MEI1: variants seen among roughly 807,000 people sequenced by gnomAD.
The protein encoded by MEI1 is meiosis inhibitor protein 1.
MEI1 carries 103 observed loss-of-function variants against 146.2 expected under a neutral mutation model. The observed-to-expected ratio is 0.70, with a 90% CI of 0.60 to 0.83. MEI1 has a LOEUF of 0.83. Ranked by LOEUF, MEI1 falls within the 40% of genes least tolerant of loss-of-function variation. The probability of loss-of-function intolerance (pLI) is 0.00; values close to 1 mark genes in which losing one functional copy is unlikely to be tolerated. For missense variants in MEI1, 1,529 were observed against 1,533.0 expected, an observed-to-expected ratio of 1.00 and a Z score of 0.04; for synonymous variants, 652 against 628.2, an observed-to-expected ratio of 1.04 and a Z score of -0.57.
At chr22:41,705,455 C>T (rs1188555421) in intron 2 of MEI1, 49 bp from the exon 3 acceptor site, 3 of 1,538,820 alleles carry the variant, frequency 1.9e-6, no homozygotes, top group Admixed American at 1.7e-5. Flanking sequence ...CAGATGTGTG[C>T]CACCGCGCCC....
chr22:41,746,179 AAAAAT>A (rs1373536073), intron 14 of MEI1, 153 bp downstream of exon 14: 2 of 593,054 alleles, frequency 3.4e-6, no homozygotes, highest in Non-Finnish European at 5.2e-6. Flanking sequence ...CCTTTGTTCT[AAAAAT>A]AAAATGTAGT....
Position 41,784,628 on chromosome 22 carries a change from C to G in MEI1, c.3190C>G (p.Arg1064Gly), listed in dbSNP as rs778265804. ...TCCAGCTGCCATCTTATGCTTCCTG[C>G]GGACAGCCCTGCGACAAAGCTTTTC... Reference protein sequence around the residue: ...LLSAAILCFLRTALRQSFSSA... With the variant: ...LLSAAILCFLGTALRQSFSSA... Residue 1064 changes from arginine to glycine, a missense_variant, in exon 26 of 31, where the codon CGG (arginine) becomes GGG (glycine). Arg to Gly is a moderately radical substitution (Grantham distance 125). Around this residue, in one of 3 missense-constraint regions of MEI1, gnomAD observed 313 missense variants for 337.3 expected, o/e 0.93. Coordinates refer to ENST00000401548, the MANE Select transcript of MEI1 (RefSeq NM_152513.4). 6.2e-7 allele frequency: 1 copy of G among 1,612,644 alleles called. No individual in the cohort carries two copies. The highest frequency in any genetic ancestry group is 8.5e-7 in the Non-Finnish European group (1 of 1,179,762).
chr22:41,721,522 G>A (rs910505525), intron 6 of MEI1, among the ~76,000 whole-genome samples: 1 of 151,156 alleles, frequency 6.6e-6, no homozygotes, highest in African/African-American at 2.4e-5. Flanking sequence ...GGGATTACAG[G>A]TATGAGTCAC....
rs1199261486 is a variant in MEI1 at position 41,703,348 on chromosome 22, C to T, written c.192C>T (p.His64=). The change falls in exon 2 of 31, where the codon CAC becomes CAT. Residue 64 remains histidine (H), a synonymous_variant. Coordinates refer to ENST00000401548, the MANE Select transcript of MEI1 (RefSeq NM_152513.4). The stretch of plus-strand genomic sequence containing the variant: ...GCTTCAAGTTAGTGCGCAAGAAGCA[C>T]ATGTTGTCCTGCTTCCAAGATGCCC... ...DPGVSLVRKK[H]MLSCFQDALV... The T allele has an allele frequency of 2.5e-6, 4 of 1,612,704 alleles. No homozygotes were observed. Among genetic ancestry groups the T allele is most frequent in the Non-Finnish European group, 3.4e-6 (4 of 1,179,370 alleles).
rs927281698 is a variant in MEI1, at chr22:41,794,803, G to A, written c.3534+326G>A. On this transcript the variant is annotated intron_variant, in intron 28 of 30. Coordinates refer to ENST00000401548, the MANE Select transcript of MEI1 (RefSeq NM_152513.4). ...TAGGGTCCCTCAGTCTAAAGAGGACGACAGACAAGTAAACTAGTAATGTAA... is the reference window on the plus strand; with the variant it reads ...TAGGGTCCCTCAGTCTAAAGAGGACAACAGACAAGTAAACTAGTAATGTAA... Among the ~76,000 whole-genome samples the A allele has an allele frequency of 3.9e-5, 6 of 152,144 alleles. No individual in the cohort carries two copies. The East Asian group carries it at 1.2e-3, about 29-fold the overall frequency.
At chr22:41,711,616 C>G (rs993342243) in intron 3 of MEI1, among the ~76,000 whole-genome samples, 2 of 152,210 alleles carry the variant, frequency 1.3e-5, no homozygotes, top group Non-Finnish European at 2.9e-5. Flanking sequence ...CCTCATGGTT[C>G]CTGTTTGCTT....
At position 41,729,745 on chromosome 22, in the gene MEI1, G is replaced by T; in HGVS notation, c.945G>T (p.Lys315Asn). The change falls in exon 8 of 31, where the codon AAG becomes AAT. Residue 315 changes from lysine to asparagine, a missense_variant. By Grantham distance (94) the Lys-to-Asn change is moderately conservative. Transcript: ENST00000401548. ...ITAVLVHSPA[K>N]HASAFIHADI... ...CGGTGCTTGTCCACTCCCCAGCAAA[G>T]CATGCGTCAGCCTTCATCCACGCTG... The T allele has an allele frequency of 6.2e-7, 1 of 1,610,816 alleles. No individual in the cohort carries two copies. Among genetic ancestry groups the T allele is most frequent in the South Asian group, 1.1e-5 (1 of 90,144 alleles).
intron 30 of MEI1, among the ~76,000 whole-genome samples, chr22:41,798,112 GC>G (rs2076425613): frequency 1.5e-5 from 2 of 135,982 alleles, no homozygotes; most frequent in Admixed American, 7.1e-5. Flanking sequence ...GTGATCCTCA[GC>G]CCAACACACA....
intron 3 of MEI1, among the ~76,000 whole-genome samples, chr22:41,707,452 A>G (rs115039984): frequency 0.011 from 1,725 of 152,246 alleles, 29 homozygotes; most frequent in African/African-American, 0.04. Flanking sequence ...GTGGTTCTGG[A>G]AAAACTGCAG....
At chr22:41,712,672 ATG>A (rs140926503) in intron 3 of MEI1, among the ~76,000 whole-genome samples, 157 of 147,074 alleles carry the variant, frequency 1.1e-3, no homozygotes, top group Non-Finnish European at 1.5e-3. Context: ...ATAGAAATAG[ATG>A]TGTGTGTGTG....
At chr22:41,781,227 C>T in intron 22 of MEI1, 57 bp from the exon 23 acceptor site, 1 of 1,290,508 alleles carries the variant, frequency 7.7e-7, no homozygotes, top group Non-Finnish European at 1.1e-6. Flanking sequence ...AGGCTACCAC[C>T]TATGACAAGT....
intron 19 of MEI1, among the ~76,000 whole-genome samples, chr22:41,766,135 A>T (rs1426447345): frequency 6.6e-6 from 1 of 151,374 alleles, no homozygotes; most frequent in East Asian, 1.9e-4. Context: ...TCGGCCTCCC[A>T]AAGTGCTGGG....
At chr22:41,709,815 A>G (rs551701557) in intron 3 of MEI1, among the ~76,000 whole-genome samples, 10 of 152,264 alleles carry the variant, frequency 6.6e-5, no homozygotes, top group African/African-American at 2.4e-4. Context: ...GTTGAATGAC[A>G]TGAGGCCTCA....
rs2076314825 is a variant in MEI1 at position 41,795,100 on chromosome 22, C to A, written c.3535-311C>A. Among the ~76,000 whole-genome samples the A allele has an allele frequency of 6.6e-6, 1 of 152,178 alleles. No individual in the cohort carries two copies. Among genetic ancestry groups the A allele is most frequent in the Non-Finnish European group, 1.5e-5 (1 of 68,048 alleles). On this transcript the variant is annotated intron_variant, in intron 28 of 30. Coordinates refer to ENST00000401548, the MANE Select transcript of MEI1 (RefSeq NM_152513.4). The surrounding 1 kb of genome is among the most constrained non-coding windows in gnomAD (Gnocchi z 4.2). ...AGTACAAACAACAGGTACAAGAGCA[C>A]ATGGTGGTATGTCAGGGGAGCCACA... is the stretch of plus-strand genomic sequence containing the variant.
At chr22:41,763,076 A>G (rs1052505553) in intron 18 of MEI1, 98 bp from the exon 19 acceptor site, 33 of 1,367,132 alleles carry the variant, frequency 2.4e-5, no homozygotes, top group Admixed American at 4.0e-5. Flanking sequence ...ATATTGGGGC[A>G]GGACAGTGGG....
chr22:41,760,511 AAAAT>A (rs1411624612), intron 18 of MEI1, among the ~76,000 whole-genome samples: 2 of 152,006 alleles, frequency 1.3e-5, no homozygotes, highest in Non-Finnish European at 2.9e-5. Context: ...TCTGTCTCAA[AAAAT>A]AAATAATTAA....
chr22:41,793,897 G>C lies in MEI1; in HGVS notation c.3414G>C (p.Arg1138=). The change falls in exon 27 of 31, where the codon CGG becomes CGC. Residue 1138 remains arginine (R), a synonymous_variant. Coordinates refer to ENST00000401548, the MANE Select transcript of MEI1 (RefSeq NM_152513.4). ...CCTTGCTTGACTACCTGGATGCCCG[G>C]AGCCCAGACATTGGTAGAAACTCTC... ...LEALLDYLDA[R]SPDIALHVAS... 2 of 1,612,662 alleles carry C rather than the reference G, an allele frequency of 1.2e-6. No homozygotes were observed. The highest frequency in any genetic ancestry group is 1.7e-6 in the Non-Finnish European group (2 of 1,179,460).
Position 41,703,422 on chromosome 22 carries a change from G to C in MEI1, c.266G>C (p.Arg89Thr). 3 of 1,606,554 alleles carry C rather than the reference G, an allele frequency of 1.9e-6. No homozygotes were observed. Among genetic ancestry groups the C allele is most frequent in the Non-Finnish European group, 2.6e-6 (3 of 1,176,472 alleles). ...LVTQLVSQDQ[R>T]VCIHFISVLF... is the part of the protein sequence containing the mutation. ...ACGCAACTGGTGTCTCAGGATCAGA[G>C]AGTCTGCATCCACTTCATAAGTGTG... The change falls in exon 2 of 31, where the codon AGA becomes ACA. Residue 89 changes from arginine (R) to threonine (T), a missense_variant. Coordinates refer to ENST00000401548, the MANE Select transcript of MEI1 (RefSeq NM_152513.4).
In MEI1 at chr22:41,703,402, A is replaced by T. The variant is rs2068856378; in HGVS notation, c.246A>T (p.Gln82His). The T allele has an allele frequency of 6.2e-7, 1 of 1,609,820 alleles. No homozygotes were observed. Among genetic ancestry groups the T allele is most frequent in the African/African-American group, 1.3e-5 (1 of 74,890 alleles). Residue 82 changes from glutamine to histidine, a missense_variant, in exon 2 of 31, where the codon CAA becomes CAT. Transcript: ENST00000401548. ...TGAGGCATACCTCCCTGGTCACGCA[A>T]CTGGTGTCTCAGGATCAGAGAGTCT... ...ALVRHTSLVT[Q>H]LVSQDQRVCI...
Sources: gnomAD v4.1 joint callset for allele counts (sites outside exome capture counted in the v4.1 genomes callset) on GRCh38, gnomAD v4.1.1 for gene constraint, gnomAD v4.1.1 regional missense constraint, Gnocchi (gnomAD v3.1) non-coding constraint, MANE v1.5 for transcripts, NCBI Gene and HGNC (gene_info 2026-07-23, HGNC 2026-07-21) for gene names.